PGM2: variants seen among roughly 807,000 people sequenced by gnomAD.
PGM2 encodes phosphoglucomutase 2.
In PGM2, 57 loss-of-function variants were observed where a neutral mutation model predicts 74.6. The observed-to-expected ratio is 0.76, with a 90% confidence interval of 0.62 to 0.95. PGM2 has a LOEUF of 0.95. Ranked by LOEUF, PGM2 falls within the 40% of genes least tolerant of loss-of-function variation. The pLI is 0.00. For synonymous variants in PGM2, 273 were observed against 260.7 expected, an observed-to-expected ratio of 1.05 and a Z score of -0.46; for missense variants, 706 against 741.9, an observed-to-expected ratio of 0.95 and a Z score of 0.56.
At chr4:37,854,412 G>A (rs1040913797) in intron 12 of PGM2, among the ~76,000 whole-genome samples, 2 of 151,622 alleles carry the variant, frequency 1.3e-5, no homozygotes, top group South Asian at 2.1e-4. Flanking sequence ...GTGCAGTGGC[G>A]CAATCTCGGC....
At position 37,847,386 on chromosome 4, in the gene PGM2, T is replaced by C; in HGVS notation, c.1282+91T>C. The C allele has an allele frequency of 5.4e-6, 5 of 927,572 alleles. No homozygotes were observed. The East Asian group carries it at 7.6e-5, about 14-fold the overall frequency. 57.5% of individuals were successfully genotyped at this position (927,572 alleles called of 1,614,324 possible). ...TTCAAAGATCCACAGTGAAACACGG[T>C]TTATTTTGCCTCTCCAGCACTCAGG... On this transcript the variant is annotated intron_variant, in intron 10 of 13. Transcript: ENST00000381967.
intron 7 of PGM2, among the ~76,000 whole-genome samples, chr4:37,845,022 T>C (rs2553287): frequency 0.71 from 105,906 of 150,132 alleles, 38,134 homozygotes; most frequent in Non-Finnish European, 0.78. Flanking sequence ...TTGTTAGTCA[T>C]TAATTTCTTA....
rs1725938999 is a variant in PGM2, at chr4:37,848,505, G to A, written c.1283-17G>A. 1 of 1,608,306 alleles carries A rather than the reference G, an allele frequency of 6.2e-7. No individual in the cohort carries two copies. The highest frequency in any genetic ancestry group is 2.2e-5 in the East Asian group (1 of 44,864). The stretch of plus-strand genomic sequence containing the variant: ...CACAGTATTGTATAGATGTATGTAT[G>A]ACGTGTGTTTCTGCAGGATACATGT... On this transcript the variant is annotated splice_polypyrimidine_tract_variant and intron_variant, in intron 10 of 13. Coordinates refer to ENST00000381967, the MANE Select transcript of PGM2 (RefSeq NM_018290.4).
chr4:37,850,701 C>T (rs114878831), intron 12 of PGM2, among the ~76,000 whole-genome samples: 12,456 of 151,508 alleles, frequency 0.082, 970 homozygotes, highest in East Asian at 0.18. Context: ...CTGAAAGAGA[C>T]TCTACTAGGC....
intron 4 of PGM2, among the ~76,000 whole-genome samples, chr4:37,837,872 C>T (rs950393327): frequency 7.0e-6 from 1 of 142,242 alleles, no homozygotes; most frequent in African/African-American, 2.9e-5. Flanking sequence ...TAAGGGTATT[C>T]GAGAGAGTCA....
At position 37,826,789 on chromosome 4, in the gene PGM2, C is replaced by T. The variant is rs542537636; in HGVS notation, c.57C>T (p.Thr19=). ...LGEDARLDQE[T]AQWLRWDKNS... ...AGGACGCCCGGCTGGACCAGGAGAC[C>T]GCCCAGTGGCTGCGCTGGGACAAGG... The change falls in exon 1 of 14, where the codon ACC becomes ACT. Residue 19 remains threonine (T), a synonymous_variant. Coordinates refer to ENST00000381967, the MANE Select transcript of PGM2 (RefSeq NM_018290.4). The T allele has an allele frequency of 3.2e-6, 5 of 1,548,716 alleles. No individual in the cohort carries two copies. The highest frequency in any genetic ancestry group is 1.7e-4 in the Middle Eastern group (1 of 5,932).
intron 1 of PGM2, 85 bp from the exon 2 acceptor site, chr4:37,829,879 A>C: frequency 3.7e-6 from 2 of 540,670 alleles, no homozygotes; most frequent in Non-Finnish European, 6.1e-6. Flanking sequence ...TATATTTTCT[A>C]TAGATTAGAA....
At chr4:37,855,055 T>C (rs1726157091) in intron 12 of PGM2, among the ~76,000 whole-genome samples, 1 of 152,196 alleles carries the variant, frequency 6.6e-6, no homozygotes, top group Admixed American at 6.5e-5. Flanking sequence ...TAAAATCTAC[T>C]CTCTTAGCAA....
At chr4:37,860,318 G>A (rs952435154) in intron 13 of PGM2, among the ~76,000 whole-genome samples, 1 of 152,230 alleles carries the variant, frequency 6.6e-6, no homozygotes, top group Admixed American at 6.6e-5. Context: ...TATGTTGCCA[G>A]TAGGGATAAA....
In PGM2 at chr4:37,848,576, T is replaced by A; in HGVS notation, c.1337T>A (p.Ile446Lys). Residue 446 changes from isoleucine to lysine, a missense_variant, in exon 11 of 14, where the codon ATA becomes AAA. By Grantham distance (102) the Ile-to-Lys change is moderately radical (BLOSUM62 -3). Coordinates refer to ENST00000381967, the MANE Select transcript of PGM2 (RefSeq NM_018290.4). The stretch of plus-strand genomic sequence containing the variant: ...AAAGATGGAGTCAGTGCCGCTGTCA[T>A]AAGTGCAGAGTTGGCTAGCTTCCTA... ...LDKDGVSAAV[I>K]SAELASFLAT... The A allele has an allele frequency of 1.9e-6, 3 of 1,613,816 alleles. No individual in the cohort carries two copies. The highest frequency in any genetic ancestry group is 2.5e-6 in the Non-Finnish European group (3 of 1,179,678).
intron 6 of PGM2, among the ~76,000 whole-genome samples, chr4:37,840,964 G>A (rs13109204): frequency 0.47 from 65,560 of 139,680 alleles, 16,658 homozygotes; most frequent in Non-Finnish European, 0.59. Flanking sequence ...GTGTGTGTGT[G>A]TATATATATA....
chr4:37,844,641 T>A, intron 7 of PGM2, 88 bp downstream of exon 7: 2 of 872,138 alleles, frequency 2.3e-6, no homozygotes, highest in Non-Finnish European at 3.6e-6. Context: ...TGTGTTTTCA[T>A]TGTGCTGAAG....
At position 37,855,661 on chromosome 4, in the gene PGM2, A is replaced by C; in HGVS notation, c.1656A>C (p.Gly552=). 11 of 1,613,318 alleles carry C rather than the reference A, an allele frequency of 6.8e-6. No homozygotes were observed. Among genetic ancestry groups the C allele is most frequent in the Non-Finnish European group, 9.3e-6 (11 of 1,179,276 alleles). Residue 552 remains glycine (G), a synonymous_variant, in exon 13 of 14, where the codon GGA becomes GGC. Coordinates refer to ENST00000381967, the MANE Select transcript of PGM2 (RefSeq NM_018290.4). The part of the protein sequence containing the change: ...SQMITFTFAN[G]GVATMRTSGT... The stretch of plus-strand genomic sequence containing the variant: ...TGATCACCTTCACCTTTGCTAATGG[A>C]GGCGTGGCCACCATGCGCACCAGTG...
chr4:37,856,376 C>T (rs983583504), intron 13 of PGM2, among the ~76,000 whole-genome samples: 4 of 152,066 alleles, frequency 2.6e-5, no homozygotes, highest in African/African-American at 9.7e-5. Flanking sequence ...CAGAGCGAGA[C>T]TCCATCTCAA....
chr4:37,847,052 A>G lies in PGM2; in HGVS notation c.1129A>G (p.Ser377Gly), dbSNP rs1032376735. 1 of 1,613,902 alleles carries G rather than the reference A, an allele frequency of 6.2e-7. No individual in the cohort carries two copies. The highest frequency in any genetic ancestry group is 8.5e-7 in the Non-Finnish European group (1 of 1,179,782). ...SALKDTYMLS[S>G]TVSSKILRAI... Reference sequence around the variant, plus strand: ...TCTCAAAGACACGTACATGTTGTCCAGCACCGTCTCCTCCAAAATCTTGCG... The same window carrying G: ...TCTCAAAGACACGTACATGTTGTCCGGCACCGTCTCCTCCAAAATCTTGCG... Residue 377 changes from serine to glycine, a missense_variant, in exon 9 of 14, where the codon AGC (serine) becomes GGC (glycine). This residue lies in a region of PGM2 where 359 missense variants were observed against 371.1 expected (regional missense o/e 0.97). Coordinates refer to ENST00000381967, the MANE Select transcript of PGM2 (RefSeq NM_018290.4).
chr4:37,852,288 T>C (rs955471760), intron 12 of PGM2, among the ~76,000 whole-genome samples: 1 of 149,906 alleles, frequency 6.7e-6, no homozygotes, highest in Non-Finnish European at 1.5e-5. Flanking sequence ...TAATAGTTGC[T>C]TTGTTCTTCC....
chr4:37,847,143 T>C, intron 9 of PGM2, 32 bp downstream of exon 9: 2 of 1,602,168 alleles, frequency 1.2e-6, no homozygotes, highest in Admixed American at 3.3e-5. Flanking sequence ...CTCATTTTCC[T>C]TTCATCTGCT....
chr4:37,839,097 C>G (rs907783220), intron 4 of PGM2, among the ~76,000 whole-genome samples: 2 of 147,874 alleles, frequency 1.4e-5, no homozygotes, highest in Admixed American at 1.4e-4. Flanking sequence ...TAAGAGCATT[C>G]TCCATTCCCT....
At chr4:37,834,849 G>A (rs1273449925) in intron 3 of PGM2, 125 bp downstream of exon 3, 4 of 468,388 alleles carry the variant, frequency 8.5e-6, no homozygotes, top group Non-Finnish European at 1.6e-5. Context: ...AAAAACAATG[G>A]GTAAATTCTC....
Sources: gnomAD v4.1 joint callset for allele counts (sites outside exome capture counted in the v4.1 genomes callset) on GRCh38, gnomAD v4.1.1 for gene constraint, gnomAD v4.1.1 regional missense constraint, MANE v1.5 for transcripts, NCBI Gene and HGNC (gene_info 2026-07-23, HGNC 2026-07-21) for gene names.